Variants in CYTH3 observed in about 807,000 individuals in gnomAD.
CYTH3 encodes the protein cytohesin-3.
Under a neutral mutation model 55.1 loss-of-function variants are expected in CYTH3, and 23 were observed. The ratio of observed to expected loss-of-function variants is 0.42; its 90% CI spans 0.30 to 0.59. The LOEUF is 0.59. Among genes scored for constraint, CYTH3 ranks in the 20% least tolerant of loss-of-function variants. CYTH3 has a pLI of 0.20. For synonymous variants in CYTH3, 249 were observed against 194.9 expected (o/e 1.28, Z -2.31); for missense variants, 413 against 524.8 (o/e 0.79, Z 2.08).
chr7:6,214,891 A>T (rs897741527), intron 1 of CYTH3, among the ~76,000 whole-genome samples: 1 of 152,176 alleles, frequency 6.6e-6, no homozygotes, highest in Non-Finnish European at 1.5e-5. Flanking sequence ...CTGCCTAGTC[A>T]TACTCTTAGT....
intron 2 of CYTH3, chr7:6,188,620 T>G (rs1207307947): frequency 1.3e-5 from 2 of 152,310 alleles, no homozygotes; most frequent in Non-Finnish European, 2.9e-5. Context: ...TGAACAGAAC[T>G]GACTCAGGGC....
intron 4 of CYTH3, among the ~76,000 whole-genome samples, chr7:6,183,727 T>G (rs1450342777): frequency 6.6e-6 from 1 of 152,154 alleles, no homozygotes; most frequent in East Asian, 1.9e-4. Context: ...GTGAACGAAA[T>G]GTCCGTGTCC....
chr7:6,217,027 C>G (rs1362440845), intron 1 of CYTH3, among the ~76,000 whole-genome samples: 1 of 152,032 alleles, frequency 6.6e-6, no homozygotes, highest in African/African-American at 2.4e-5. Context: ...ATTCTCCTGC[C>G]TCAGCCTCCC....
intron 1 of CYTH3, among the ~76,000 whole-genome samples, chr7:6,242,093 T>C (rs1779686974): frequency 6.6e-6 from 1 of 152,094 alleles, no homozygotes; most frequent in Non-Finnish European, 1.5e-5. Flanking sequence ...TGTTTGTTTT[T>C]TGAGATGGAG....
chr7:6,163,308 G>A lies in CYTH3; in HGVS notation c.*1636C>T, dbSNP rs1001993618. On this transcript the variant is annotated 3_prime_UTR_variant, in exon 13 of 13. Coordinates refer to ENST00000350796, the MANE Select transcript of CYTH3 (RefSeq NM_004227.4). Reference sequence around the variant, plus strand: ...CACAAAGTCTGAGGTTTTGTCTCTGGACTGGGCATTTTGCACAGGAGTACA... The same window carrying A: ...CACAAAGTCTGAGGTTTTGTCTCTGAACTGGGCATTTTGCACAGGAGTACA... 1.3e-4 allele frequency: 20 copies of A among 152,428 alleles called. No homozygotes were observed. The highest frequency in any genetic ancestry group is 3.8e-4 in the African/African-American group (16 of 41,588). The allele number at this position is 152,428 out of a possible 1,614,324, so 9.4% of individuals were successfully genotyped here. A position where few individuals can be genotyped will look rare whatever the true frequency, so the allele number is the denominator to read the frequency against.
intron 2 of CYTH3, among the ~76,000 whole-genome samples, chr7:6,188,067 C>A (rs1041195478): frequency 6.6e-6 from 1 of 152,076 alleles, no homozygotes; most frequent in Non-Finnish European, 1.5e-5. Flanking sequence ...TGGCTCATGC[C>A]TGTAATCCCA....
intron 1 of CYTH3, 146 bp from the exon 2 acceptor site, chr7:6,190,677 A>G (rs556120419): frequency 1.7e-6 from 1 of 605,206 alleles, no homozygotes; most frequent in East Asian, 3.1e-5. Flanking sequence ...TGTATCTGAG[A>G]CACTCATAGG....
At chr7:6,223,739 G>C (rs946198929) in intron 1 of CYTH3, among the ~76,000 whole-genome samples, 2 of 141,360 alleles carry the variant, frequency 1.4e-5, no homozygotes, top group Non-Finnish European at 3.0e-5. Context: ...AGAGACTTTT[G>C]TTCACGTGTT....
chr7:6,224,043 T>A (rs926227023), intron 1 of CYTH3, among the ~76,000 whole-genome samples: 1 of 151,970 alleles, frequency 6.6e-6, no homozygotes, highest in African/African-American at 2.4e-5. Context: ...TATTTTTCCA[T>A]TGCACAAAAA....
chr7:6,218,540 T>C (rs1784476551), intron 1 of CYTH3, among the ~76,000 whole-genome samples: 1 of 152,190 alleles, frequency 6.6e-6, no homozygotes, highest in South Asian at 2.1e-4. Flanking sequence ...TGTGGTAACT[T>C]ATTACAACAG....
chr7:6,231,165 C>T (rs1246746985), intron 1 of CYTH3, among the ~76,000 whole-genome samples: 9 of 152,220 alleles, frequency 5.9e-5, no homozygotes, highest in East Asian at 3.8e-4. Flanking sequence ...TGAGTGGGGA[C>T]GGGCAGAGGG....
chr7:6,205,313 C>T (rs1784158116), intron 1 of CYTH3, among the ~76,000 whole-genome samples: 1 of 152,202 alleles, frequency 6.6e-6, no homozygotes, highest in Non-Finnish European at 1.5e-5. Context: ...GTGGCTCACA[C>T]CTGTAATCCG....
At chr7:6,252,884 G>A (rs1185770090) in intron 1 of CYTH3, among the ~76,000 whole-genome samples, 1 of 152,122 alleles carries the variant, frequency 6.6e-6, no homozygotes, top group African/African-American at 2.4e-5. Flanking sequence ...TCCTCACTAT[G>A]TTAAGCCAGA....
In CYTH3 at chr7:6,169,181, C is replaced by A. The variant is rs1017217540; in HGVS notation, c.823+1354G>T. ...GTGGGACTCACACCCTTTCCACCAG[C>A]TGAGGAGGCCTGTGCCCGTCACACC... On this transcript the variant is annotated intron_variant, in intron 9 of 12. Coordinates refer to ENST00000350796, the MANE Select transcript of CYTH3 (RefSeq NM_004227.4). The surrounding 1 kb of genome is among the most constrained non-coding windows in gnomAD (Gnocchi z 4.1). 1.5e-4 allele frequency among the ~76,000 whole-genome samples: 23 copies of A among 152,190 alleles called. No individual in the cohort carries two copies. The highest frequency in any genetic ancestry group is 5.6e-4 in the African/African-American group (23 of 41,426).
intron 1 of CYTH3, among the ~76,000 whole-genome samples, chr7:6,240,398 GA>G (rs897775727): frequency 1.1e-4 from 17 of 151,752 alleles, no homozygotes; most frequent in African/African-American, 3.9e-4. Flanking sequence ...GAATAACCAG[GA>G]AAACTCTGAA....
chr7:6,187,552 C>T (rs1783686284), intron 3 of CYTH3, 105 bp downstream of exon 3: 1 of 996,032 alleles, frequency 1.0e-6, no homozygotes, highest in African/African-American at 1.6e-5. Context: ...TCCACAGGCT[C>T]CCCACATCCC....
At chr7:6,261,813 T>C (rs533399518) in intron 1 of CYTH3, among the ~76,000 whole-genome samples, 4 of 151,662 alleles carry the variant, frequency 2.6e-5, no homozygotes, top group Non-Finnish European at 4.4e-5. Context: ...TTCACATACA[T>C]TGTCCAGAAT....
chr7:6,223,381 G>A (rs1261428181), intron 1 of CYTH3, among the ~76,000 whole-genome samples: 2 of 152,216 alleles, frequency 1.3e-5, no homozygotes, highest in East Asian at 3.8e-4. Context: ...TGGCGGTTTT[G>A]TCGAAAAGAA....
intron 1 of CYTH3, among the ~76,000 whole-genome samples, chr7:6,197,182 C>G (rs1420220806): frequency 6.6e-6 from 1 of 152,076 alleles, no homozygotes. Flanking sequence ...TTTTCCTACC[C>G]CCTTAAGGCC....
Sources: allele counts gnomAD v4.1 joint callset (sites outside exome capture counted in the v4.1 genomes callset), GRCh38; gene constraint gnomAD v4.1.1; non-coding constraint Gnocchi (gnomAD v3.1); transcripts MANE v1.5; gene names NCBI Gene and HGNC (gene_info 2026-07-23, HGNC 2026-07-21).